The following TARS1 variants were observed in gnomAD, a reference collection of about 807,000 sequenced individuals.
The protein encoded by TARS1 is threonyl-tRNA synthetase 1, also known as threonine--tRNA ligase 1, cytoplasmic.
TARS1 carries 57 observed loss-of-function variants against 97.7 expected under a neutral mutation model. That is an observed-to-expected ratio of 0.58 (90% confidence interval 0.47 to 0.73). TARS1 has a LOEUF of 0.73. Among genes scored for constraint, TARS1 ranks in the 30% least tolerant of loss-of-function variants. TARS1 has a pLI of 0.00. For missense variants in TARS1, 806 were observed against 888.3 expected (o/e 0.91, Z 1.18); for synonymous variants, 312 against 293.7 (o/e 1.06, Z -0.64).
chr5:33,456,110 A>T (rs771276199), intron 7 of TARS1, 39 bp from the exon 8 acceptor site: 2 of 1,612,868 alleles, frequency 1.2e-6, no homozygotes, highest in Non-Finnish European at 1.7e-6. Flanking sequence ...TATGTATGTC[A>T]TTTTGTCTTT....
At chr5:33,458,528 GACGT>G in intron 9 of TARS1, 34 bp from the exon 10 acceptor site, 1 of 1,551,538 alleles carries the variant, frequency 6.4e-7, no homozygotes, top group South Asian at 1.1e-5. Flanking sequence ...ACGTATACGT[GACGT>G]ACATAAACAT....
At chr5:33,448,477 A>T in intron 2 of TARS1, 64 bp from the exon 3 acceptor site, 1 of 1,348,302 alleles carries the variant, frequency 7.4e-7, no homozygotes, top group South Asian at 1.6e-5. Context: ...TTTCTTTCCC[A>T]TTTCTAAATA....
In TARS1 at chr5:33,467,986, A is replaced by C. The variant is rs1742627254; in HGVS notation, c.*278A>C. 3.4e-6 allele frequency: 1 copy of C among 292,590 alleles called. No individual in the cohort carries two copies. The highest frequency in any genetic ancestry group is 6.0e-5 in the East Asian group (1 of 16,772). 18.1% of individuals were successfully genotyped at this position (292,590 alleles called of 1,614,324 possible). On this transcript the variant is annotated 3_prime_UTR_variant, in exon 19 of 19. Transcript: ENST00000265112. Reference sequence around the variant, plus strand: ...GAGGAATGCTTTAGTGTAATGTGGGAGAACTTTTTTGTAAATTTAATGCAA... The same window carrying C: ...GAGGAATGCTTTAGTGTAATGTGGGCGAACTTTTTTGTAAATTTAATGCAA...
Position 33,455,615 on chromosome 5 carries a change from C to G in TARS1, c.604C>G (p.Leu202Val). The G allele has an allele frequency of 6.2e-7, 1 of 1,612,490 alleles. No individual in the cohort carries two copies. Among genetic ancestry groups the G allele is most frequent in the Admixed American group, 1.7e-5 (1 of 59,964 alleles). ...GGVSSNDFSS[L>V]EALCKKIIKE... ...TGTGTCTAGCAATGATTTCTCTTCT[C>G]TGGAGGCTTTGTGTAAGAAAATCAT... The change falls in exon 6 of 19, where the codon CTG becomes GTG. Residue 202 changes from leucine (L) to valine (V), a missense_variant. Leu to Val is a conservative substitution (Grantham distance 32). Around this residue, in one of 3 missense-constraint regions of TARS1, gnomAD observed 356 missense variants for 357.8 expected, o/e 0.99. Coordinates refer to ENST00000265112, the MANE Select transcript of TARS1 (RefSeq NM_152295.5).
intron 14 of TARS1, 65 bp downstream of exon 14, chr5:33,461,809 A>G (rs1742306432): frequency 1.9e-6 from 3 of 1,595,384 alleles, no homozygotes; most frequent in African/African-American, 2.7e-5. Flanking sequence ...TACGACTTCG[A>G]AAAAAGTTGG....
At chr5:33,455,942 G>T in intron 6 of TARS1, 60 bp from the exon 7 acceptor site, 1 of 1,443,308 alleles carries the variant, frequency 6.9e-7, no homozygotes. Flanking sequence ...TTTAGCTATA[G>T]TACTTAGAAG....
chr5:33,451,606 C>T (rs562038098), intron 3 of TARS1, among the ~76,000 whole-genome samples: 212 of 152,178 alleles, frequency 1.4e-3, no homozygotes, highest in African/African-American at 4.8e-3. Context: ...ATCTCCTGAC[C>T]TCGTGATCCA....
intron 3 of TARS1, chr5:33,452,535 G>A: frequency 1.1e-6 from 1 of 883,992 alleles, no homozygotes; most frequent in South Asian, 1.5e-5. Flanking sequence ...TGTGTGCTCT[G>A]ATATTTCATC....
At chr5:33,458,303 T>C (rs1742126436) in intron 9 of TARS1, among the ~76,000 whole-genome samples, 1 of 152,236 alleles carries the variant, frequency 6.6e-6, no homozygotes, top group African/African-American at 2.4e-5. Flanking sequence ...GGGACCCTTA[T>C]TCCCTGCCAC....
Position 33,467,862 on chromosome 5 carries a change from A to G in TARS1, c.*154A>G. ...CTGCAGGCGTAACTATTTTTGACCT[A>G]GTCAGTTTTTAAACAATGTGCATTT... On this transcript the variant is annotated 3_prime_UTR_variant, in exon 19 of 19. Coordinates refer to ENST00000265112, the MANE Select transcript of TARS1 (RefSeq NM_152295.5). 1 of 726,234 alleles carries G rather than the reference A, an allele frequency of 1.4e-6. No homozygotes were observed. Among genetic ancestry groups the G allele is most frequent in the East Asian group, 2.9e-5 (1 of 34,088 alleles). The allele number at this position is 726,234 out of a possible 1,614,324, so 45.0% of individuals were successfully genotyped here.
rs567428798 is a variant in TARS1 at position 33,449,328 on chromosome 5, C to T, written c.329+597C>T. Reference sequence around the variant, plus strand: ...AAACATATATATGTGTATATATATACGCGTATATATACACGTGTATATATA... The same window carrying T: ...AAACATATATATGTGTATATATATATGCGTATATATACACGTGTATATATA... On this transcript the variant is annotated intron_variant, in intron 3 of 18. Transcript: ENST00000265112. Among the ~76,000 whole-genome samples, 8 of 104,808 alleles carry T rather than the reference C, an allele frequency of 7.6e-5. No individual in the cohort carries two copies. In the East Asian group the frequency reaches 8.3e-4, roughly 11 times the overall value. The allele number at this position is 104,808 out of a possible 152,430, so 68.8% of individuals were successfully genotyped here.
intron 2 of TARS1, chr5:33,446,867 G>C (rs1445379663): frequency 1.5e-6 from 1 of 661,622 alleles, no homozygotes; most frequent in Non-Finnish European, 2.2e-6. Flanking sequence ...CTCTGTCTGA[G>C]CTTTTAGTTA....
At position 33,466,900 on chromosome 5, in the gene TARS1, C is replaced by A. The variant is rs919947757; in HGVS notation, c.1938C>A (p.Phe646Leu). The stretch of plus-strand genomic sequence containing the variant: ...GACAACAATTCCACGATGCCAAATT[C>A]ATGGCAGACATTGATCTGGATCCAG... ...KVRQQFHDAK[F>L]MADIDLDPGC... The change falls in exon 18 of 19, where the codon TTC becomes TTA. Residue 646 changes from phenylalanine (F) to leucine (L), a missense_variant. Physicochemically the swap from Phe to Leu is conservative, Grantham distance 22. Transcript: ENST00000265112. 4.4e-6 allele frequency: 7 copies of A among 1,601,220 alleles called. No homozygotes were observed. The highest frequency in any genetic ancestry group is 6.0e-6 in the Non-Finnish European group (7 of 1,174,116).
At chr5:33,467,462 A>C in intron 18 of TARS1, 98 bp from the exon 19 acceptor site, 7 of 1,308,140 alleles carry the variant, frequency 5.4e-6, no homozygotes, top group Non-Finnish European at 6.2e-6. Flanking sequence ...GCTATGGGGT[A>C]GGTTTTGGGT....
chr5:33,451,431 T>C (rs1741728740), intron 3 of TARS1, among the ~76,000 whole-genome samples: 1 of 151,300 alleles, frequency 6.6e-6, no homozygotes, highest in African/African-American at 2.4e-5. Context: ...CTGGAGTGCA[T>C]TGGCGCCATC....
intron 3 of TARS1, among the ~76,000 whole-genome samples, chr5:33,449,445 C>CTTTTTTTTTTTTTTTTTTTTT (rs57691465): frequency 1.4e-5 from 1 of 69,146 alleles, no homozygotes; most frequent in African/African-American, 5.8e-5. Flanking sequence ...TTTTTTCTTT[C>CTTTTTTTTTTTTTTTTTTTTT]TTTTTTTTTT....
Position 33,459,779 on chromosome 5 carries a change from C to CA in TARS1, c.1169dup (p.His391AlafsTer10). 6.2e-7 allele frequency: 1 copy of CA among 1,614,176 alleles called. No homozygotes were observed. The highest frequency in any genetic ancestry group is 1.1e-5 in the South Asian group (1 of 91,080). ...ACTCTGGATGACCTCGGGCCACTGGCAGCACTACAGCGAGAACATGTTCTC... is the reference window on the plus strand; with the variant it reads ...ACTCTGGATGACCTCGGGCCACTGGCAAGCACTACAGCGAGAACATGTTCTC... On this transcript the variant is annotated frameshift_variant, in exon 11 of 19. Coordinates refer to ENST00000265112, the MANE Select transcript of TARS1 (RefSeq NM_152295.5). LOFTEE classifies it high-confidence loss of function.
intron 1 of TARS1, among the ~76,000 whole-genome samples, chr5:33,443,380 G>T (rs1485233661): frequency 1.5e-5 from 2 of 135,676 alleles, no homozygotes; most frequent in African/African-American, 5.6e-5. Flanking sequence ...TGTTCATTTG[G>T]CAAATGGTCA....
At chr5:33,460,800 C>T (rs1261886154) in intron 11 of TARS1, 102 bp from the exon 12 acceptor site, 11 of 1,397,262 alleles carry the variant, frequency 7.9e-6, no homozygotes, top group Non-Finnish European at 9.7e-6. Context: ...GGATGGACAG[C>T]TAGAATCAGT....
Sources: gnomAD v4.1 joint callset for allele counts (sites outside exome capture counted in the v4.1 genomes callset) on GRCh38, gnomAD v4.1.1 for gene constraint, gnomAD v4.1.1 regional missense constraint, MANE v1.5 for transcripts, NCBI Gene and HGNC (gene_info 2026-07-23, HGNC 2026-07-21) for gene names.